Variants in SHC4 observed in about 807,000 individuals in gnomAD.
The protein encoded by SHC4 is SHC-transforming protein 4.
SHC4 carries 41 observed loss-of-function variants against 69.4 expected under a neutral mutation model. The observed-to-expected ratio is 0.59, with a 90% confidence interval of 0.46 to 0.77. The LOEUF is 0.77. Among genes scored for constraint, SHC4 ranks in the 30% least tolerant of loss-of-function variants. SHC4 has a pLI of 0.00. For synonymous variants in SHC4, 318 were observed against 299.3 expected, an observed-to-expected ratio of 1.06 and a Z score of -0.64; for missense variants, 777 against 783.8, an observed-to-expected ratio of 0.99 and a Z score of 0.10.
Position 48,835,008 on chromosome 15 carries a change from C to G in SHC4, c.1498G>C (p.Val500Leu). The G allele has an allele frequency of 6.2e-7, 1 of 1,611,246 alleles. No individual in the cohort carries two copies. Among genetic ancestry groups the G allele is most frequent in the Non-Finnish European group, 8.5e-7 (1 of 1,178,788 alleles). ...PWHCGKAPET[V>L]QPGATAQPAS... ...GGCTGGGCTGTGGCACCCGGCTGAA[C>G]AGTTTCTGGTGCCTCTGAAGTCAGA... The change falls in exon 11 of 12, where the codon GTT becomes CTT. Residue 500 changes from valine (V) to leucine (L), a missense_variant. By Grantham distance (32) the Val-to-Leu change is conservative. Coordinates refer to ENST00000332408, the MANE Select transcript of SHC4 (RefSeq NM_203349.4).
At chr15:48,888,896 A>G (rs1900085833) in intron 3 of SHC4, among the ~76,000 whole-genome samples, 2 of 151,734 alleles carry the variant, frequency 1.3e-5, no homozygotes, top group South Asian at 4.2e-4. Flanking sequence ...AAAAAAAAAA[A>G]AAAAAAAGTT....
At chr15:48,905,856 G>C (rs1205554048) in intron 2 of SHC4, among the ~76,000 whole-genome samples, 4 of 152,212 alleles carry the variant, frequency 2.6e-5, no homozygotes, top group Non-Finnish European at 5.9e-5. Flanking sequence ...CTGTGTTTGT[G>C]TAATAATATC....
chr15:48,862,459 A>G (rs1032278913), intron 6 of SHC4, among the ~76,000 whole-genome samples: 2 of 152,242 alleles, frequency 1.3e-5, no homozygotes, highest in Non-Finnish European at 2.9e-5. Context: ...TGATAAAATG[A>G]AGAGTTCACT....
At chr15:48,909,412 T>A (rs1051237647) in intron 2 of SHC4, among the ~76,000 whole-genome samples, 10 of 152,142 alleles carry the variant, frequency 6.6e-5, no homozygotes, top group Non-Finnish European at 1.3e-4. Context: ...CCAGAAACTT[T>A]GCTGAATTCT....
At chr15:48,892,204 C>T (rs1465724215) in intron 2 of SHC4, among the ~76,000 whole-genome samples, 4 of 152,066 alleles carry the variant, frequency 2.6e-5, no homozygotes, top group South Asian at 2.1e-4. Flanking sequence ...TAGTGCAGAG[C>T]GATGTTCTTC....
chr15:48,903,817 T>G (rs1004707339), intron 2 of SHC4, among the ~76,000 whole-genome samples: 5 of 152,130 alleles, frequency 3.3e-5, no homozygotes, highest in Admixed American at 6.6e-5. Context: ...GAGTGGCTAT[T>G]CACAAGTATG....
intron 2 of SHC4, among the ~76,000 whole-genome samples, chr15:48,897,209 C>A (rs1254568517): frequency 6.6e-6 from 1 of 152,116 alleles, no homozygotes; most frequent in Non-Finnish European, 1.5e-5. Flanking sequence ...GAAAGAGAAA[C>A]GCCCCAGAGC....
At chr15:48,852,353 C>T (rs923070135) in intron 8 of SHC4, among the ~76,000 whole-genome samples, 1 of 151,928 alleles carries the variant, frequency 6.6e-6, no homozygotes, top group Non-Finnish European at 1.5e-5. Context: ...TGAAACATAT[C>T]AAAAATAAGA....
At chr15:48,948,243 A>G (rs148501929) in intron 1 of SHC4, among the ~76,000 whole-genome samples, 1 of 152,374 alleles carries the variant, frequency 6.6e-6, no homozygotes, top group Non-Finnish European at 1.5e-5. Context: ...CTTCAAGGGC[A>G]AGATGTTGTT....
chr15:48,866,579 G>A (rs919123072), intron 6 of SHC4, among the ~76,000 whole-genome samples: 2 of 152,054 alleles, frequency 1.3e-5, no homozygotes, highest in African/African-American at 4.8e-5. Context: ...ACTCTACTTT[G>A]TAAACAGTAC....
intron 11 of SHC4, among the ~76,000 whole-genome samples, chr15:48,826,376 G>A (rs1898690027): frequency 6.6e-6 from 1 of 151,750 alleles, no homozygotes; most frequent in African/African-American, 2.4e-5. Context: ...TTCAGCCCGA[G>A]TAACTGGGAC....
intron 2 of SHC4, among the ~76,000 whole-genome samples, chr15:48,910,629 T>A (rs1484075163): frequency 6.6e-6 from 1 of 152,142 alleles, no homozygotes; most frequent in Admixed American, 6.5e-5. Flanking sequence ...TGTTCTTGTT[T>A]CTCTAGTTCC....
At chr15:48,869,590 A>G (rs901850348) in intron 5 of SHC4, among the ~76,000 whole-genome samples, 1 of 152,208 alleles carries the variant, frequency 6.6e-6, no homozygotes, top group Admixed American at 6.5e-5. Flanking sequence ...CTGTCAGGCA[A>G]TAGGGATTAT....
chr15:48,846,792 C>T (rs1438161640), intron 9 of SHC4, among the ~76,000 whole-genome samples: 1 of 152,130 alleles, frequency 6.6e-6, no homozygotes, highest in Non-Finnish European at 1.5e-5. Flanking sequence ...CCTTTGTTGG[C>T]ATATTTAACC....
At chr15:48,897,303 G>A (rs995130242) in intron 2 of SHC4, among the ~76,000 whole-genome samples, 4 of 152,146 alleles carry the variant, frequency 2.6e-5, no homozygotes, top group African/African-American at 9.7e-5. Flanking sequence ...TGAGAATGCC[G>A]TGGAAGATTT....
At position 48,855,834 on chromosome 15, in the gene SHC4, T is replaced by C. The variant is rs1337512954; in HGVS notation, c.1242+119A>G. ...CTGACAGTTATTCATTCTCTGGCTC[T>C]GTATTTGAGGAAGACAGGACTTTCT... On this transcript the variant is annotated intron_variant, in intron 8 of 11. Transcript: ENST00000332408. 3.9e-6 allele frequency: 4 copies of C among 1,022,532 alleles called. No individual in the cohort carries two copies. The African/African-American group carries it at 4.9e-5, about 13-fold the overall frequency. The allele number at this position is 1,022,532 out of a possible 1,614,324, so 63.3% of individuals were successfully genotyped here.
intron 6 of SHC4, among the ~76,000 whole-genome samples, chr15:48,860,239 T>A (rs1899414919): frequency 6.6e-6 from 1 of 152,122 alleles, no homozygotes; most frequent in Non-Finnish European, 1.5e-5. Context: ...CAAGGCCAGG[T>A]GCAGTGGCTC....
chr15:48,826,253 C>CTTT, intron 11 of SHC4, 127 bp from the exon 12 acceptor site: 113 of 639,258 alleles, frequency 1.8e-4, no homozygotes, highest in South Asian at 3.1e-4. Context: ...AGAAAAGGTA[C>CTTT]TTTTTTTTTT....
Position 48,834,979 on chromosome 15 carries a change from G to T in SHC4, c.1527C>A (p.Ala509=). Residue 509 remains alanine (A), a synonymous_variant, in exon 11 of 12, where the codon GCC becomes GCA. Coordinates refer to ENST00000332408, the MANE Select transcript of SHC4 (RefSeq NM_203349.4). The part of the protein sequence containing the change: ...TVQPGATAQP[A]SSHSLPHIKQ... ...TAATGTGTGGCAAAGAATGTGAGCT[G>T]GCAGGCTGGGCTGTGGCACCCGGCT... 1 of 1,612,988 alleles carries T rather than the reference G, an allele frequency of 6.2e-7. No homozygotes were observed. Among genetic ancestry groups the T allele is most frequent in the Non-Finnish European group, 8.5e-7 (1 of 1,179,498 alleles).
Sources: allele counts gnomAD v4.1 joint callset (sites outside exome capture counted in the v4.1 genomes callset), GRCh38; gene constraint gnomAD v4.1.1; transcripts MANE v1.5; gene names NCBI Gene and HGNC (gene_info 2026-07-23, HGNC 2026-07-21).